DEFB116: variants seen among roughly 807,000 people sequenced by gnomAD.
The protein encoded by DEFB116 is beta-defensin 116.
A neutral mutation model predicts 2.8 loss-of-function variants in DEFB116; 5 were observed. The ratio of observed to expected loss-of-function variants is 1.80; its 90% CI spans 0.94 to 3.79. The LOEUF is 3.79. Ranked by LOEUF, DEFB116 falls within the 30% of genes most tolerant of loss-of-function variation. DEFB116 has a pLI of 0.00. For synonymous variants in DEFB116, 56 were observed against 40.8 expected (o/e 1.37, Z -1.42); for missense variants, 170 against 118.0 (o/e 1.44, Z -2.04).
chr20:31,304,795 A>T (rs540775938), intron 1 of DEFB116, among the ~76,000 whole-genome samples: 1 of 152,196 alleles, frequency 6.6e-6, no homozygotes, highest in South Asian at 2.1e-4. Context: ...TCAGTGCTAA[A>T]TAGATAGAGG....
At position 31,303,352 on chromosome 20, in the gene DEFB116, G is replaced by T; in HGVS notation, c.169C>A (p.Gln57Lys). The T allele has an allele frequency of 1.2e-6, 2 of 1,613,582 alleles. No individual in the cohort carries two copies. Among genetic ancestry groups the T allele is most frequent in the Non-Finnish European group, 1.7e-6 (2 of 1,179,592 alleles). Residue 57 changes from glutamine (Q) to lysine (K), a missense_variant, in exon 2 of 2, where the codon CAA (glutamine) becomes AAA (lysine). Transcript: ENST00000400549. ...CRNACREYEIQYLTCPNDQKC... is the reference protein window; with the variant it reads ...CRNACREYEIKYLTCPNDQKC... ...TGATCATTTGGGCAGGTTAAGTATT[G>T]GATTTCATATTCTCTGCAGGCGTTT... is the stretch of plus-strand genomic sequence containing the variant.
chr20:31,303,403 A>G lies in DEFB116; in HGVS notation c.118T>C (p.Cys40Arg), dbSNP rs1245078541. 1.2e-6 allele frequency: 2 copies of G among 1,613,512 alleles called. No homozygotes were observed. The highest frequency in any genetic ancestry group is 1.7e-6 in the Non-Finnish European group (2 of 1,179,584). ...CTGCACATGCCTTGGTAAAGCTCAC[A>G]TGGATTCCAAGGCTCTCGGCTCTTG... Reference protein sequence around the residue: ...NGKSREPWNPCELYQGMCRNA... With the variant: ...NGKSREPWNPRELYQGMCRNA... The change falls in exon 2 of 2, where the codon TGT (cysteine) becomes CGT (arginine). Residue 40 changes from cysteine to arginine, a missense_variant. By Grantham distance (180) the Cys-to-Arg change is radical. Coordinates refer to ENST00000400549, the MANE Select transcript of DEFB116 (RefSeq NM_001037731.1).
At chr20:31,308,373 C>G in intron 1 of DEFB116, 146 bp downstream of exon 1, 1 of 708,576 alleles carries the variant, frequency 1.4e-6, no homozygotes, top group Admixed American at 2.4e-5. Context: ...TGAAATTAAC[C>G]TTGGGAATAA....
chr20:31,304,843 C>T (rs947218561), intron 1 of DEFB116, among the ~76,000 whole-genome samples: 1 of 151,800 alleles, frequency 6.6e-6, no homozygotes, highest in African/African-American at 2.4e-5. Flanking sequence ...TTAACATTAA[C>T]GAAAATGGGA....
chr20:31,303,453 C>G lies in DEFB116; in HGVS notation c.68G>C (p.Gly23Ala). The G allele has an allele frequency of 1.2e-6, 2 of 1,612,868 alleles. No homozygotes were observed. The highest frequency in any genetic ancestry group is 1.7e-6 in the Non-Finnish European group (2 of 1,179,368). The change falls in exon 2 of 2, where the codon GGT becomes GCT. Residue 23 changes from glycine (G) to alanine (A), a missense_variant and splice_region_variant. Physicochemically the swap from Gly to Ala is moderately conservative, Grantham distance 60. Transcript: ENST00000400549. The part of the protein sequence containing the change: ...ILMILAQKTP[G>A]GLFRSHNGKS... The stretch of plus-strand genomic sequence containing the variant: ...GCCATTGTGGGATCTGAACAGGCCA[C>G]CTGGGAAAGACATGGCCATGTTTAG...
In DEFB116 at chr20:31,306,437, A is replaced by G. The variant is rs147788701; in HGVS notation, c.67+2082T>C. On this transcript the variant is annotated intron_variant, in intron 1 of 1. Transcript: ENST00000400549. ...CTGCTCATAAATTCTGCCAAGTAAA[A>G]GTACTCAATAATTATTAAGGAAGCT... Among the ~76,000 whole-genome samples, 205 of 152,258 alleles carry G rather than the reference A, an allele frequency of 1.3e-3. 1 individual carries two copies. Among genetic ancestry groups the G allele is most frequent in the African/African-American group, 4.7e-3 (196 of 41,560 alleles).
Position 31,303,437 on chromosome 20 carries a change from G to A in DEFB116, c.84C>T (p.Ser28=). Reference sequence around the variant, plus strand: ...AAGGCTCTCGGCTCTTGCCATTGTGGGATCTGAACAGGCCACCTGGGAAAG... The same window carrying A: ...AAGGCTCTCGGCTCTTGCCATTGTGAGATCTGAACAGGCCACCTGGGAAAG... ...AQKTPGGLFR[S]HNGKSREPWN... Residue 28 remains serine (S), a synonymous_variant, in exon 2 of 2, where the codon TCC becomes TCT. Transcript: ENST00000400549. 2 of 1,613,392 alleles carry A rather than the reference G, an allele frequency of 1.2e-6. No homozygotes were observed. Among genetic ancestry groups the A allele is most frequent in the Non-Finnish European group, 1.7e-6 (2 of 1,179,532 alleles).
In DEFB116 at chr20:31,303,409, T is replaced by G. The variant is rs1197298968; in HGVS notation, c.112A>C (p.Asn38His). 6.2e-7 allele frequency: 1 copy of G among 1,613,524 alleles called. No homozygotes were observed. The highest frequency in any genetic ancestry group is 2.2e-5 in the East Asian group (1 of 44,862). ...ATGCCTTGGTAAAGCTCACATGGAT[T>G]CCAAGGCTCTCGGCTCTTGCCATTG... ...SHNGKSREPW[N>H]PCELYQGMCR... Residue 38 changes from asparagine to histidine, a missense_variant, in exon 2 of 2, where the codon AAT becomes CAT. Transcript: ENST00000400549.
At chr20:31,306,553 C>T (rs1984994036) in intron 1 of DEFB116, among the ~76,000 whole-genome samples, 1 of 151,988 alleles carries the variant, frequency 6.6e-6, no homozygotes, top group Non-Finnish European at 1.5e-5. Context: ...TTTCTACCAC[C>T]ATTAGAAATG....
intron 1 of DEFB116, among the ~76,000 whole-genome samples, chr20:31,307,639 T>C (rs1249564070): frequency 6.6e-6 from 1 of 152,040 alleles, no homozygotes; most frequent in Non-Finnish European, 1.5e-5. Flanking sequence ...ACCTATGGAA[T>C]GGGAGAAAAT....
chr20:31,306,399 T>C (rs1268823613), intron 1 of DEFB116, among the ~76,000 whole-genome samples: 1 of 152,118 alleles, frequency 6.6e-6, no homozygotes, highest in Non-Finnish European at 1.5e-5. Flanking sequence ...GAAAATGTTG[T>C]CCAGAACTGT....
chr20:31,308,547 G>T lies in DEFB116; in HGVS notation c.39C>A (p.Ile13=). The change falls in exon 1 of 2, where the codon ATC becomes ATA. Residue 13 remains isoleucine (I), a synonymous_variant. Coordinates refer to ENST00000400549, the MANE Select transcript of DEFB116 (RefSeq NM_001037731.1). The stretch of plus-strand genomic sequence containing the variant: ...GAGTCTTTTGAGCCAGGATCATAAG[G>T]ATGGCAATGGTCATTAAACAGGGCT... ...VMKPCLMTIA[I]LMILAQKTPG... is the part of the protein sequence containing the mutation. 1.9e-6 allele frequency: 3 copies of T among 1,613,618 alleles called. No homozygotes were observed. The highest frequency in any genetic ancestry group is 1.7e-4 in the Middle Eastern group (1 of 6,054).
chr20:31,308,493 G>A lies in DEFB116; in HGVS notation c.67+26C>T, dbSNP rs1481389445. ...TACCAGTACCACATGCAAGACGCCA[G>A]AACCTTTGAGAGAGGCCTGAGTTAC... On this transcript the variant is annotated intron_variant, in intron 1 of 1. Coordinates refer to ENST00000400549, the MANE Select transcript of DEFB116 (RefSeq NM_001037731.1). The A allele has an allele frequency of 3.1e-6, 5 of 1,612,630 alleles. No individual in the cohort carries two copies. The African/African-American group carries it at 5.3e-5, about 17-fold the overall frequency.
At chr20:31,304,865 T>C (rs930250803) in intron 1 of DEFB116, among the ~76,000 whole-genome samples, 2 of 152,116 alleles carry the variant, frequency 1.3e-5, no homozygotes, top group African/African-American at 4.8e-5. Context: ...AAAGCAAGTA[T>C]AATGTTATTT....
At chr20:31,303,581 A>G (rs1356399185) in intron 1 of DEFB116, 128 bp from the exon 2 acceptor site, 22 of 1,326,250 alleles carry the variant, frequency 1.7e-5, no homozygotes, top group Non-Finnish European at 2.0e-5. Context: ...ACCTAGATTC[A>G]AATCTGGGCT....
intron 1 of DEFB116, among the ~76,000 whole-genome samples, chr20:31,304,413 T>C (rs1011490449): frequency 3.3e-5 from 5 of 152,112 alleles, no homozygotes; most frequent in Non-Finnish European, 7.4e-5. Context: ...TGTACAGGCA[T>C]TTTACAAATG....
intron 1 of DEFB116, among the ~76,000 whole-genome samples, chr20:31,303,875 TCA>T (rs1205416341): frequency 3.3e-5 from 5 of 152,120 alleles, no homozygotes; most frequent in African/African-American, 4.8e-5. Context: ...TCTGTGACCC[TCA>T]CACACAGCTA....
At position 31,303,469 on chromosome 20, in the gene DEFB116, C is replaced by T. The variant is rs1244840662; in HGVS notation, c.68-16G>A. 5.6e-6 allele frequency: 9 copies of T among 1,611,956 alleles called. No individual in the cohort carries two copies. Among genetic ancestry groups the T allele is most frequent in the South Asian group, 1.1e-5 (1 of 90,922 alleles). The stretch of plus-strand genomic sequence containing the variant: ...AACAGGCCACCTGGGAAAGACATGG[C>T]CATGTTTAGTTTCCATGCAGCAGTG... On this transcript the variant is annotated splice_polypyrimidine_tract_variant and intron_variant, in intron 1 of 1. Transcript: ENST00000400549.
chr20:31,307,207 A>G (rs932197212), intron 1 of DEFB116, among the ~76,000 whole-genome samples: 1 of 152,090 alleles, frequency 6.6e-6, no homozygotes, highest in African/African-American at 2.4e-5. Flanking sequence ...ATCTTATTTT[A>G]AGAACACTTA....
Sources: allele counts gnomAD v4.1 joint callset (sites outside exome capture counted in the v4.1 genomes callset), GRCh38; gene constraint gnomAD v4.1.1; transcripts MANE v1.5; gene names NCBI Gene and HGNC (gene_info 2026-07-23, HGNC 2026-07-21).